ZBTB4: variants seen among roughly 807,000 people sequenced by gnomAD.
ZBTB4 encodes the protein zinc finger and BTB domain-containing protein 4.
ZBTB4 carries 14 observed loss-of-function variants against 59.8 expected under a neutral mutation model. That is an observed-to-expected ratio of 0.23 (90% CI 0.15 to 0.37). The LOEUF (loss-of-function observed/expected upper bound fraction) is 0.37, where lower values mean the gene tolerates loss of function less well. ZBTB4 is among the 10% of genes least tolerant of loss of function. The pLI, the probability that ZBTB4 is intolerant of heterozygous loss-of-function variation, is 1.00. For missense variants in ZBTB4, 1,198 were observed against 1,380.8 expected, an observed-to-expected ratio of 0.87 and a Z score of 2.10; for synonymous variants, 587 against 575.2, an observed-to-expected ratio of 1.02 and a Z score of -0.29.
At chr17:7,476,862 A>G (rs554605525) in intron 1 of ZBTB4, among the ~76,000 whole-genome samples, 1 of 152,270 alleles carries the variant, frequency 6.6e-6, no homozygotes, top group Non-Finnish European at 1.5e-5. Context: ...TGTTGGAGGG[A>G]GTTGCACAGA....
In ZBTB4 at chr17:7,465,981, C is replaced by A; in HGVS notation, c.821G>T (p.Gly274Val). The A allele has an allele frequency of 6.2e-7, 1 of 1,601,618 alleles. No homozygotes were observed. Among genetic ancestry groups the A allele is most frequent in the East Asian group, 2.2e-5 (1 of 44,630 alleles). Reference sequence around the variant, plus strand: ...GTCCACCCCTGCAGGACCACCAGGGCCAGCGCCCCCAGCTCCCAGCCCTGT... The same window carrying A: ...GTCCACCCCTGCAGGACCACCAGGGACAGCGCCCCCAGCTCCCAGCCCTGT... ...GSTGLGAGGA[G>V]PGGPAGVDAS... The change falls in exon 3 of 4, where the codon GGC becomes GTC. Residue 274 changes from glycine (G) to valine (V), a missense_variant. Coordinates refer to ENST00000380599, the MANE Select transcript of ZBTB4 (RefSeq NM_001128833.2).
At chr17:7,470,539 AT>A (rs2070184759) in intron 1 of ZBTB4, among the ~76,000 whole-genome samples, 1 of 151,878 alleles carries the variant, frequency 6.6e-6, no homozygotes, top group Admixed American at 6.6e-5. Context: ...TACTTAAAAT[AT>A]AAAAAATTAG....
chr17:7,467,135 G>A (rs2070139233), intron 2 of ZBTB4, 122 bp downstream of exon 2: 5 of 1,140,578 alleles, frequency 4.4e-6, no homozygotes, highest in African/African-American at 1.6e-5. Flanking sequence ...GGAGGAGGAA[G>A]CTCCACAACT....
At chr17:7,468,799 G>T (rs1029562874) in intron 1 of ZBTB4, among the ~76,000 whole-genome samples, 9 of 152,104 alleles carry the variant, frequency 5.9e-5, no homozygotes, top group African/African-American at 1.9e-4. Flanking sequence ...GGACTCAAAG[G>T]CCTTTTCCCC....
At chr17:7,470,023 A>C (rs2070178582) in intron 1 of ZBTB4, among the ~76,000 whole-genome samples, 1 of 152,088 alleles carries the variant, frequency 6.6e-6, no homozygotes, top group South Asian at 2.1e-4. Context: ...CGGAGGTTGC[A>C]GTGAGCCGAG....
Position 7,479,149 on chromosome 17 carries a change from C to T in ZBTB4, c.-81+307G>A, listed in dbSNP as rs1350138915. On this transcript the variant is annotated intron_variant, in intron 1 of 3. Transcript: ENST00000380599. The stretch of plus-strand genomic sequence containing the variant: ...CCCACGGGGGGAGGGGGCCATTAGG[C>T]TGCAGAATTAACCCTTCAAAGAGGG... 2.0e-5 allele frequency among the ~76,000 whole-genome samples: 3 copies of T among 146,364 alleles called. No individual in the cohort carries two copies. In the South Asian group the frequency reaches 7.2e-4, roughly 35 times the overall value.
chr17:7,463,036 T>C lies in ZBTB4; in HGVS notation c.1946A>G (p.Glu649Gly). The part of the protein sequence containing the change: ...DEEEEDEEEE[E>G]EDEEESKAGG... ...AGCCTTTGATTCCTCCTCATCCTCC[T>C]CCTCCTCCTCTTCGTCCTCCTCCTC... The change falls in exon 4 of 4, where the codon GAG (glutamate) becomes GGG (glycine). Residue 649 changes from glutamate to glycine, a missense_variant. By Grantham distance (98) the Glu-to-Gly change is moderately conservative. This residue lies in a region of ZBTB4 where 550 missense variants were observed against 541.8 expected (regional missense o/e 1.02). Transcript: ENST00000380599. 6.2e-7 allele frequency: 1 copy of C among 1,609,286 alleles called. No homozygotes were observed. Among genetic ancestry groups the C allele is most frequent in the African/African-American group, 1.3e-5 (1 of 74,936 alleles).
At chr17:7,477,065 T>G (rs1263647657) in intron 1 of ZBTB4, among the ~76,000 whole-genome samples, 11 of 152,104 alleles carry the variant, frequency 7.2e-5, no homozygotes, top group African/African-American at 2.7e-4. Context: ...TACTTCAGGG[T>G]GTTGTTCTGA....
At chr17:7,480,067 C>G (rs553797963), upstream of ZBTB4, among the ~76,000 whole-genome samples, 41 of 151,930 alleles carry the variant, frequency 2.7e-4, no homozygotes, top group African/African-American at 7.0e-4. Context: ...CAGCCCTGGA[C>G]ACACACACAC....
intron 1 of ZBTB4, among the ~76,000 whole-genome samples, chr17:7,474,836 AC>A (rs1341019905): frequency 2.6e-5 from 4 of 151,174 alleles, no homozygotes; most frequent in Admixed American, 6.6e-5. Flanking sequence ...ACATGATGAA[AC>A]CCCATCTGTA....
chr17:7,475,163 G>A (rs1388504609), intron 1 of ZBTB4, among the ~76,000 whole-genome samples: 2 of 151,558 alleles, frequency 1.3e-5, no homozygotes, highest in Non-Finnish European at 2.9e-5. Flanking sequence ...CCAACATGGT[G>A]AAACTTGGTC....
At position 7,466,268 on chromosome 17, in the gene ZBTB4, C is replaced by G; in HGVS notation, c.534G>C (p.Leu178=). The G allele has an allele frequency of 6.2e-7, 1 of 1,613,322 alleles. No individual in the cohort carries two copies. Residue 178 remains leucine (L), a synonymous_variant, in exon 3 of 4, where the codon CTG becomes CTC. Transcript: ENST00000380599. The surrounding 1 kb of genome is among the most constrained non-coding windows in gnomAD (Gnocchi z 9.1). Reference sequence around the variant, plus strand: ...GTACCCAGGCATCACCTCCCTCCCCCAGGCCCTGAAGGCGGGAGATGCCCA... The same window carrying G: ...GTACCCAGGCATCACCTCCCTCCCCGAGGCCCTGAAGGCGGGAGATGCCCA... ...RRLGISRLQG[L]GEGGDAWVPP...
chr17:7,462,675 G>A lies in ZBTB4; in HGVS notation c.2307C>T (p.His769=), dbSNP rs372321820. Residue 769 remains histidine (H), a synonymous_variant, in exon 4 of 4, where the codon CAC becomes CAT. Coordinates refer to ENST00000380599, the MANE Select transcript of ZBTB4 (RefSeq NM_001128833.2). The surrounding 1 kb of genome is among the most constrained non-coding windows in gnomAD (Gnocchi z 7.5). ...CTGCGGTCTTGCACACCTTGGCGCA[G>A]TGGGGGCAGGTAAAGCGGGTGGAGG... is the stretch of plus-strand genomic sequence containing the variant. The part of the protein sequence containing the change: ...RRPSTRFTCP[H]CAKVCKTAAA... 2 of 1,607,206 alleles carry A rather than the reference G, an allele frequency of 1.2e-6. No homozygotes were observed. The highest frequency in any genetic ancestry group is 2.2e-5 in the East Asian group (1 of 44,870).
chr17:7,463,230 G>A lies in ZBTB4; in HGVS notation c.1752C>T (p.Pro584=). ...PVGGIGGGGG[P]PTGAGRGPSQ... Reference sequence around the variant, plus strand: ...AGGGGCCCCGGCCAGCCCCTGTGGGGGGACCCCCACCTCCACCAATCCCGC... The same window carrying A: ...AGGGGCCCCGGCCAGCCCCTGTGGGAGGACCCCCACCTCCACCAATCCCGC... The change falls in exon 4 of 4, where the codon CCC becomes CCT. Residue 584 remains proline (P), a synonymous_variant. Coordinates refer to ENST00000380599, the MANE Select transcript of ZBTB4 (RefSeq NM_001128833.2). 6.2e-7 allele frequency: 1 copy of A among 1,611,026 alleles called. No individual in the cohort carries two copies. Among genetic ancestry groups the A allele is most frequent in the Non-Finnish European group, 8.5e-7 (1 of 1,179,376 alleles).
Position 7,464,817 on chromosome 17 carries a change from G to C in ZBTB4, c.1091+894C>G, listed in dbSNP as rs1425944526. Among the ~76,000 whole-genome samples, 14 of 135,694 alleles carry C rather than the reference G, an allele frequency of 1.0e-4. 1 individual carries two copies. The highest frequency in any genetic ancestry group is 3.6e-4 in the African/African-American group (13 of 35,864). The allele number at this position is 135,694 out of a possible 152,430, so 89.0% of individuals were successfully genotyped here. The stretch of plus-strand genomic sequence containing the variant: ...TGCGCCACTGCACTCCAGCCTGGGG[G>C]ACAGAGCGAGACTCGGTCTTAAAAA... On this transcript the variant is annotated intron_variant, in intron 3 of 3. Transcript: ENST00000380599.
intron 1 of ZBTB4, among the ~76,000 whole-genome samples, chr17:7,473,459 C>T (rs773118426): frequency 4.0e-4 from 60 of 151,796 alleles, no homozygotes; most frequent in Non-Finnish European, 6.9e-4. Context: ...GGGGTTTCAC[C>T]ATGTCGGCCT....
chr17:7,477,064 G>A (rs1202905324), intron 1 of ZBTB4, among the ~76,000 whole-genome samples: 2 of 152,210 alleles, frequency 1.3e-5, no homozygotes, highest in East Asian at 3.8e-4. Flanking sequence ...CTACTTCAGG[G>A]TGTTGTTCTG....
intron 3 of ZBTB4, 132 bp downstream of exon 3, chr17:7,465,579 G>C: frequency 1.1e-5 from 15 of 1,416,026 alleles, no homozygotes; most frequent in Non-Finnish European, 1.4e-5. Flanking sequence ...TAACCACAGT[G>C]CTGGGATTAC....
intron 3 of ZBTB4, among the ~76,000 whole-genome samples, chr17:7,465,022 G>A (rs113233406): frequency 0.056 from 8,470 of 150,590 alleles, 349 homozygotes; most frequent in South Asian, 0.096. Context: ...CGGGCGTGAT[G>A]GCGGGCGCCT....
Sources: gnomAD v4.1 joint callset for allele counts (sites outside exome capture counted in the v4.1 genomes callset) on GRCh38, gnomAD v4.1.1 for gene constraint, gnomAD v4.1.1 regional missense constraint, Gnocchi (gnomAD v3.1) non-coding constraint, MANE v1.5 for transcripts, NCBI Gene and HGNC (gene_info 2026-07-23, HGNC 2026-07-21) for gene names.